RREB1: variants seen among roughly 807,000 people sequenced by gnomAD.
RREB1 encodes the protein ras-responsive element-binding protein 1.
A neutral mutation model predicts 117.8 loss-of-function variants in RREB1; 27 were observed. The ratio of observed to expected loss-of-function variants is 0.23; its 90% CI spans 0.17 to 0.32. RREB1 has a LOEUF of 0.32. RREB1 is among the 10% of genes least tolerant of loss of function. RREB1 has a pLI of 1.00. For missense variants in RREB1, 2,577 were observed against 2,378.2 expected (o/e 1.08, Z -1.74); for synonymous variants, 1,298 against 1,026.7 (o/e 1.26, Z -5.05).
At chr6:7,142,987 TA>T (rs1762686380) in intron 1 of RREB1, among the ~76,000 whole-genome samples, 2 of 152,232 alleles carry the variant, frequency 1.3e-5, no homozygotes, top group Admixed American at 1.3e-4. Context: ...AAAGCCCTAA[TA>T]AAGCTTTCAA....
chr6:7,120,751 A>G (rs1761641583), intron 1 of RREB1, among the ~76,000 whole-genome samples: 1 of 148,444 alleles, frequency 6.7e-6, no homozygotes, highest in Non-Finnish European at 1.5e-5. Flanking sequence ...GGCCCAAGTG[A>G]TCCTCCCACC....
chr6:7,230,884 G>A lies in RREB1; in HGVS notation c.2785G>A (p.Asp929Asn), dbSNP rs145478005. Residue 929 changes from aspartate to asparagine, a missense_variant, in exon 10 of 13, where the codon GAC becomes AAC. By Grantham distance (23) the Asp-to-Asn change is conservative (BLOSUM62 1). Coordinates refer to ENST00000379938, the MANE Select transcript of RREB1 (RefSeq NM_001003699.4). ...GAGCCCTTCTTCCCTGGTCCCCTAT[G>A]ACTGCTCCATGGAGCCCATCGACCT... is the stretch of plus-strand genomic sequence containing the variant. ...FLSPSSLVPY[D>N]CSMEPIDLSI... 2.5e-6 allele frequency: 4 copies of A among 1,614,066 alleles called. No individual in the cohort carries two copies. Among genetic ancestry groups the A allele is most frequent in the African/African-American group, 2.7e-5 (2 of 74,920 alleles).
intron 1 of RREB1, among the ~76,000 whole-genome samples, chr6:7,118,228 C>G (rs1026393333): frequency 4.3e-4 from 66 of 152,170 alleles, no homozygotes; most frequent in African/African-American, 1.6e-3. Flanking sequence ...TCAAGCGATT[C>G]TCCCACCTCA....
At chr6:7,125,090 C>T (rs956663232) in intron 1 of RREB1, among the ~76,000 whole-genome samples, 5 of 152,186 alleles carry the variant, frequency 3.3e-5, no homozygotes, top group Non-Finnish European at 7.3e-5. Context: ...TGGTATTTGA[C>T]AACATAAGCT....
intron 1 of RREB1, among the ~76,000 whole-genome samples, chr6:7,146,357 TGA>T (rs912364027): frequency 6.6e-5 from 10 of 150,986 alleles, no homozygotes; most frequent in African/African-American, 2.4e-4. Flanking sequence ...GTAGATGGCC[TGA>T]GAGGGGGAAA....
At chr6:7,209,697 C>T (rs1057086839) in intron 6 of RREB1, among the ~76,000 whole-genome samples, 5 of 151,794 alleles carry the variant, frequency 3.3e-5, no homozygotes, top group Admixed American at 6.6e-5. Flanking sequence ...TGCACTCCAG[C>T]CTGGGCGACA....
In RREB1 at chr6:7,136,708, TAAC is replaced by T. The variant is rs968441797; in HGVS notation, c.-285+28650_-285+28652del. Among the ~76,000 whole-genome samples, 8 of 152,358 alleles carry T rather than the reference TAAC, an allele frequency of 5.3e-5. No homozygotes were observed. The South Asian group carries it at 6.2e-4, about 12-fold the overall frequency. The stretch of plus-strand genomic sequence containing the variant: ...GTATAATGGTGTGCAAAGTAACAAA[TAAC>T]AGCCTCTAAAGACATTTAAAACAAT... On this transcript the variant is annotated intron_variant, in intron 1 of 12. Coordinates refer to ENST00000379938, the MANE Select transcript of RREB1 (RefSeq NM_001003699.4).
intron 1 of RREB1, among the ~76,000 whole-genome samples, chr6:7,148,453 T>A (rs1477022187): frequency 1.3e-5 from 2 of 151,202 alleles, no homozygotes; most frequent in Non-Finnish European, 2.9e-5. Flanking sequence ...TAAAACTGCC[T>A]GTGTATCCAC....
chr6:7,207,072 TAA>T (rs1405517832), intron 6 of RREB1, among the ~76,000 whole-genome samples: 1 of 151,924 alleles, frequency 6.6e-6, no homozygotes, highest in African/African-American at 2.4e-5. Context: ...AAATGGAAAA[TAA>T]GAGAGCAAGA....
At position 7,231,460 on chromosome 6, in the gene RREB1, A is replaced by C. The variant is rs761040744; in HGVS notation, c.3361A>C (p.Thr1121Pro). 2 of 1,612,990 alleles carry C rather than the reference A, an allele frequency of 1.2e-6. No individual in the cohort carries two copies. The highest frequency in any genetic ancestry group is 1.7e-6 in the Non-Finnish European group (2 of 1,179,756). The change falls in exon 10 of 13, where the codon ACC becomes CCC. Residue 1121 changes from threonine (T) to proline (P), a missense_variant. By Grantham distance (38) the Thr-to-Pro change is conservative. Transcript: ENST00000379938. ...CACCACCGCCACCCCCGCTGCCACCACCAGCCCAAAAGAGTCTAGTGAGCC... is the reference window on the plus strand; with the variant it reads ...CACCACCGCCACCCCCGCTGCCACCCCCAGCCCAAAAGAGTCTAGTGAGCC... ...AATTATPAATTSPKESSEPPA... is the reference protein window; with the variant it reads ...AATTATPAATPSPKESSEPPA...
At chr6:7,224,462 G>A (rs550521189) in intron 8 of RREB1, among the ~76,000 whole-genome samples, 3 of 152,074 alleles carry the variant, frequency 2.0e-5, no homozygotes, top group Non-Finnish European at 2.9e-5. Flanking sequence ...AAGTGGTGGC[G>A]AGGTGATGGA....
In RREB1 at chr6:7,229,452, C is replaced by T; in HGVS notation, c.1353C>T (p.Asp451=). 2 of 1,614,214 alleles carry T rather than the reference C, an allele frequency of 1.2e-6. No individual in the cohort carries two copies. The highest frequency in any genetic ancestry group is 1.1e-5 in the South Asian group (1 of 91,086). ...AGAAGGGCTTCATCATCCAGCCTGA[C>T]AGCAGCATTGTGGTCAAGCCCATCT... is the stretch of plus-strand genomic sequence containing the variant. The part of the protein sequence containing the change: ...PFQKGFIIQP[D]SSIVVKPISG... Residue 451 remains aspartate (D), a synonymous_variant, in exon 10 of 13, where the codon GAC becomes GAT. Transcript: ENST00000379938. This position sits in a 1 kb window ranked among gnomAD's most constrained non-coding sequence, Gnocchi z 4.5.
chr6:7,177,870 G>A (rs1259827472), intron 2 of RREB1, among the ~76,000 whole-genome samples: 30 of 152,110 alleles, frequency 2.0e-4, no homozygotes. Context: ...TTACAGGCAT[G>A]TGCCACCACG....
chr6:7,200,560 T>C (rs1327673369), intron 6 of RREB1, among the ~76,000 whole-genome samples: 1 of 152,184 alleles, frequency 6.6e-6, no homozygotes, highest in Non-Finnish European at 1.5e-5. Flanking sequence ...TGAGCCACCA[T>C]GCCTGGCCTA....
chr6:7,150,008 T>A (rs1416822746), intron 1 of RREB1, among the ~76,000 whole-genome samples: 35 of 151,672 alleles, frequency 2.3e-4, no homozygotes, highest in African/African-American at 4.6e-4. Flanking sequence ...TTTTTTTTTT[T>A]TTATTCTTTT....
At chr6:7,162,585 T>TG (rs376709335) in intron 1 of RREB1, among the ~76,000 whole-genome samples, 24 of 152,138 alleles carry the variant, frequency 1.6e-4, no homozygotes, top group African/African-American at 5.8e-4. Context: ...GCACCTGGAA[T>TG]GTTAGTAGCC....
chr6:7,231,185 T>C lies in RREB1; in HGVS notation c.3086T>C (p.Leu1029Pro). Reference protein sequence around the residue: ...YSSALVSSPPLVGSSALLSGT... With the variant: ...YSSALVSSPPPVGSSALLSGT... ...TCAGCCCTGGTCAGCAGCCCTCCAC[T>C]CGTGGGCAGCTCAGCCCTCCTGAGT... Residue 1029 changes from leucine (L) to proline (P), a missense_variant, in exon 10 of 13, where the codon CTC becomes CCC. By Grantham distance (98) the Leu-to-Pro change is moderately conservative (BLOSUM62 -3). Coordinates refer to ENST00000379938, the MANE Select transcript of RREB1 (RefSeq NM_001003699.4). The C allele has an allele frequency of 6.2e-7, 1 of 1,611,426 alleles. No individual in the cohort carries two copies. Among genetic ancestry groups the C allele is most frequent in the Non-Finnish European group, 8.5e-7 (1 of 1,179,180 alleles).
intron 1 of RREB1, among the ~76,000 whole-genome samples, chr6:7,139,950 C>T (rs962379765): frequency 6.6e-5 from 10 of 152,136 alleles, no homozygotes; most frequent in South Asian, 2.1e-4. Context: ...ACAGTTCATG[C>T]GCAGGTTTCA....
intron 1 of RREB1, among the ~76,000 whole-genome samples, chr6:7,167,886 A>AT (rs1484687425): frequency 6.6e-6 from 1 of 152,082 alleles, no homozygotes; most frequent in Non-Finnish European, 1.5e-5. Flanking sequence ...TATCAGCTTC[A>AT]TTTTTCAGCT....
Sources: allele counts gnomAD v4.1 joint callset (sites outside exome capture counted in the v4.1 genomes callset), GRCh38; gene constraint gnomAD v4.1.1; non-coding constraint Gnocchi (gnomAD v3.1); transcripts MANE v1.5; gene names NCBI Gene and HGNC (gene_info 2026-07-23, HGNC 2026-07-21).